The following RANBP2 variants were observed in gnomAD, a reference collection of about 807,000 sequenced individuals.
The protein encoded by RANBP2 is E3 SUMO-protein ligase RanBP2.
In RANBP2, 57 loss-of-function variants were observed where a neutral mutation model predicts 303.6. The ratio of observed to expected loss-of-function variants is 0.19; its 90% CI spans 0.15 to 0.23. The LOEUF is 0.23. Among genes scored for constraint, RANBP2 ranks in the 10% least tolerant of loss-of-function variants. The pLI, the probability that RANBP2 is intolerant of heterozygous loss-of-function variation, is 1.00. For synonymous variants in RANBP2, 1,167 were observed against 1,301.5 expected (o/e 0.90, Z 2.23); for missense variants, 3,138 against 3,780.8 (o/e 0.83, Z 4.46).
At chr2:109,398,690 C>T in the RANBP2 span, 4 of 1,611,056 alleles carry the variant, frequency 2.5e-6, no homozygotes, top group Non-Finnish European at 3.4e-6. Context: ...GGCGCTGTGG[C>T]CAGCGTGGCC....
chr2:108,769,034 C>CAA (rs397934184), intron 20 of RANBP2, among the ~76,000 whole-genome samples: 9 of 107,148 alleles, frequency 8.4e-5, no homozygotes, highest in African/African-American at 1.1e-4. Context: ...ACTTTGTCTC[C>CAA]AAAAAAAAAA....
At chr2:109,508,567 C>T in the RANBP2 span, among the ~76,000 whole-genome samples, 1 of 151,272 alleles carries the variant, frequency 6.6e-6, no homozygotes, top group East Asian at 1.9e-4. Flanking sequence ...CAGACGTGGA[C>T]ATCATTACAA....
the RANBP2 span, among the ~76,000 whole-genome samples, chr2:109,340,794 C>T: frequency 1.3e-5 from 2 of 152,120 alleles, no homozygotes; most frequent in Admixed American, 6.5e-5. Flanking sequence ...AAACTAAGCC[C>T]AAGGTACTTT....
chr2:109,149,809 G>C, the RANBP2 span, among the ~76,000 whole-genome samples: 1 of 152,238 alleles, frequency 6.6e-6, no homozygotes, highest in Non-Finnish European at 1.5e-5. Flanking sequence ...TTGTAGTGCA[G>C]GTATTTTTGT....
the RANBP2 span, among the ~76,000 whole-genome samples, chr2:109,102,187 G>A: frequency 1.3e-5 from 2 of 151,788 alleles, no homozygotes; most frequent in Admixed American, 6.6e-5. Context: ...TGCAAGCTCC[G>A]CCTCCTGGGT....
At chr2:109,491,471 C>A in the RANBP2 span, among the ~76,000 whole-genome samples, 2 of 152,296 alleles carry the variant, frequency 1.3e-5, no homozygotes, top group African/African-American at 4.8e-5. Context: ...TGAAATTGCC[C>A]ATATTCATTC....
the RANBP2 span, among the ~76,000 whole-genome samples, chr2:109,298,568 C>G: frequency 3.3e-5 from 5 of 152,094 alleles, no homozygotes; most frequent in Admixed American, 2.6e-4. Context: ...TCTGCCAGCC[C>G]TGCAGGAGGA....
the RANBP2 span, among the ~76,000 whole-genome samples, chr2:109,270,663 G>A: frequency 7.9e-5 from 12 of 152,314 alleles, no homozygotes; most frequent in Admixed American, 2.6e-4. Context: ...TGACATAGGT[G>A]TCTTGGCCCC....
chr2:108,843,846 G>A, the RANBP2 span, among the ~76,000 whole-genome samples: 1 of 7,458 alleles, frequency 1.3e-4, no homozygotes, highest in East Asian at 0.019. Context: ...TTCATGTTTT[G>A]TGTGTGTGTG....
chr2:108,958,846 T>C, the RANBP2 span, among the ~76,000 whole-genome samples: 1 of 152,226 alleles, frequency 6.6e-6, no homozygotes, highest in African/African-American at 2.4e-5. Context: ...GATAGTGGGC[T>C]CTCCAGGCTC....
chr2:109,037,254 T>A, the RANBP2 span, among the ~76,000 whole-genome samples: 6 of 151,040 alleles, frequency 4.0e-5, no homozygotes, highest in African/African-American at 4.9e-5. Flanking sequence ...ATCCTGGAAG[T>A]TCAGGGCTGC....
the RANBP2 span, among the ~76,000 whole-genome samples, chr2:109,435,653 G>A: frequency 2.0e-5 from 3 of 152,244 alleles, no homozygotes; most frequent in Non-Finnish European, 4.4e-5. Flanking sequence ...GAGGGCAGAG[G>A]GAAAGGGTTT....
chr2:108,844,622 C>T, the RANBP2 span, among the ~76,000 whole-genome samples: 1 of 152,112 alleles, frequency 6.6e-6, no homozygotes, highest in Non-Finnish European at 1.5e-5. Context: ...GAAAACTAGA[C>T]ATTTTGGGTC....
chr2:109,649,767 T>A, the RANBP2 span, among the ~76,000 whole-genome samples: 2 of 152,226 alleles, frequency 1.3e-5, no homozygotes, highest in Non-Finnish European at 2.9e-5. Flanking sequence ...TCCTTGATTA[T>A]CTCTTGAGAA....
chr2:109,248,901 TG>T, the RANBP2 span, among the ~76,000 whole-genome samples: 6 of 51,470 alleles, frequency 1.2e-4, no homozygotes, highest in African/African-American at 2.0e-4. Flanking sequence ...TGTCCTGTCC[TG>T]TCCTGTCCTG....
the RANBP2 span, among the ~76,000 whole-genome samples, chr2:109,688,814 A>G: frequency 2.0e-5 from 3 of 149,704 alleles, no homozygotes; most frequent in Non-Finnish European, 4.4e-5. Flanking sequence ...AAAAGAATCA[A>G]TGTAAAATTG....
At chr2:109,189,583 G>T in the RANBP2 span, among the ~76,000 whole-genome samples, 2 of 151,982 alleles carry the variant, frequency 1.3e-5, no homozygotes, top group African/African-American at 4.8e-5. Flanking sequence ...TGGAAAGGCT[G>T]GTTTTGAACT....
At chr2:109,094,811 C>A in the RANBP2 span, among the ~76,000 whole-genome samples, 3 of 152,062 alleles carry the variant, frequency 2.0e-5, no homozygotes, top group Non-Finnish European at 2.9e-5. Flanking sequence ...GCCTGAGTGA[C>A]AAGAGCAAGT....
At chr2:108,910,739 C>T in the RANBP2 span, 1 of 1,608,934 alleles carries the variant, frequency 6.2e-7, no homozygotes. Flanking sequence ...GAGATGGGCA[C>T]CGTGCACATG....
Sources: allele counts gnomAD v4.1 joint callset (sites outside exome capture counted in the v4.1 genomes callset), GRCh38; gene constraint gnomAD v4.1.1; transcripts MANE v1.5; gene names NCBI Gene and HGNC (gene_info 2026-07-23, HGNC 2026-07-21).